The following MYRIP variants were observed in gnomAD, a reference collection of about 807,000 sequenced individuals.
MYRIP encodes the protein rab effector MyRIP.
MYRIP carries 49 observed loss-of-function variants against 98.0 expected under a neutral mutation model. The observed-to-expected ratio is 0.50, with a 90% confidence interval of 0.40 to 0.63. The LOEUF (loss-of-function observed/expected upper bound fraction) is 0.63. MYRIP is among the 30% of genes least tolerant of loss of function. The probability of loss-of-function intolerance (pLI) is 0.00; values close to 1 mark genes in which losing one functional copy is unlikely to be tolerated. For synonymous variants in MYRIP, 404 were observed against 409.5 expected (o/e 0.99, Z 0.16); for missense variants, 1,004 against 1,058.2 (o/e 0.95, Z 0.71).
At position 40,054,018 on chromosome 3, in the gene MYRIP, T is replaced by C. The variant is rs114722706; in HGVS notation, c.332+9747T>C. Among the ~76,000 whole-genome samples, 801 of 152,208 alleles carry C rather than the reference T, an allele frequency of 5.3e-3. 2 individuals are homozygous for C. The highest frequency in any genetic ancestry group is 9.8e-3 in the Admixed American group (150 of 15,260). ...ATAGCATTGGCACTCCCGCTAACTG[T>C]TTTGTCACTCTGGCTGCCTTAAGTT... On this transcript the variant is annotated intron_variant, in intron 3 of 16. Transcript: ENST00000302541.
intron 1 of MYRIP, among the ~76,000 whole-genome samples, chr3:39,870,043 A>G (rs1942738395): frequency 6.6e-6 from 1 of 152,134 alleles, no homozygotes; most frequent in African/African-American, 2.4e-5. Flanking sequence ...TGAAGCACAC[A>G]GTATTTGGAG....
At chr3:39,953,384 A>G (rs1328287503) in intron 2 of MYRIP, among the ~76,000 whole-genome samples, 1 of 152,054 alleles carries the variant, frequency 6.6e-6, no homozygotes, top group Non-Finnish European at 1.5e-5. Context: ...TTTTGGAGAG[A>G]ACTGGCTGAG....
intron 2 of MYRIP, among the ~76,000 whole-genome samples, chr3:40,000,471 C>G (rs1398013809): frequency 6.6e-6 from 1 of 152,108 alleles, no homozygotes; most frequent in Non-Finnish European, 1.5e-5. Flanking sequence ...GTCAGAGTGT[C>G]AAGCCAAAAA....
At chr3:40,148,060 G>A (rs1950045622) in intron 3 of MYRIP, among the ~76,000 whole-genome samples, 1 of 152,170 alleles carries the variant, frequency 6.6e-6, no homozygotes, top group African/African-American at 2.4e-5. Context: ...GCTGAACATA[G>A]AAGTCTAACT....
intron 2 of MYRIP, among the ~76,000 whole-genome samples, chr3:39,924,149 T>C (rs774977781): frequency 1.3e-5 from 2 of 152,084 alleles, no homozygotes; most frequent in African/African-American, 2.4e-5. Flanking sequence ...TGACATTAAA[T>C]GTAAATGGCC....
At chr3:39,936,199 G>A (rs1944652279) in intron 2 of MYRIP, among the ~76,000 whole-genome samples, 1 of 152,188 alleles carries the variant, frequency 6.6e-6, no homozygotes, top group African/African-American at 2.4e-5. Context: ...TGAGTGAAGA[G>A]TATACAGAGT....
At chr3:40,163,596 G>A (rs1950442068) in intron 5 of MYRIP, among the ~76,000 whole-genome samples, 1 of 152,096 alleles carries the variant, frequency 6.6e-6, no homozygotes, top group Non-Finnish European at 1.5e-5. Flanking sequence ...CCCTCTTCTG[G>A]AGCTGGGACA....
intron 3 of MYRIP, among the ~76,000 whole-genome samples, chr3:40,139,178 T>C (rs1393121374): frequency 6.6e-6 from 1 of 152,270 alleles, no homozygotes; most frequent in Non-Finnish European, 1.5e-5. Context: ...CTGACTGGTA[T>C]TTCATGGTGT....
intron 2 of MYRIP, among the ~76,000 whole-genome samples, chr3:40,025,639 G>T (rs1254877419): frequency 6.6e-6 from 1 of 152,066 alleles, no homozygotes; most frequent in Non-Finnish European, 1.5e-5. Context: ...GTGTCGGCTG[G>T]TCTGAGAAAT....
At chr3:40,095,777 TCA>T (rs951354832) in intron 3 of MYRIP, among the ~76,000 whole-genome samples, 25 of 151,842 alleles carry the variant, frequency 1.6e-4, no homozygotes, top group African/African-American at 5.8e-4. Context: ...CCTCTTTCCC[TCA>T]CAGTATGCTG....
chr3:39,818,961 A>C (rs1280964905), intron 1 of MYRIP, among the ~76,000 whole-genome samples: 1 of 152,256 alleles, frequency 6.6e-6, no homozygotes, highest in Non-Finnish European at 1.5e-5. Context: ...AAATACCCTA[A>C]AGTTCAATTA....
intron 2 of MYRIP, among the ~76,000 whole-genome samples, chr3:40,026,318 G>A (rs1947126640): frequency 6.6e-6 from 1 of 152,106 alleles, no homozygotes; most frequent in Non-Finnish European, 1.5e-5. Flanking sequence ...TGTCTCCCTT[G>A]TTCCCTAAAA....
At chr3:40,243,537 G>T (rs554655578) in intron 12 of MYRIP, among the ~76,000 whole-genome samples, 9 of 152,080 alleles carry the variant, frequency 5.9e-5, no homozygotes, top group South Asian at 2.1e-4. Context: ...ACTCTAAATT[G>T]CTGTGATTAC....
chr3:40,151,634 T>C (rs1332184560), intron 4 of MYRIP, among the ~76,000 whole-genome samples: 1 of 152,204 alleles, frequency 6.6e-6, no homozygotes, highest in Non-Finnish European at 1.5e-5. Flanking sequence ...GTGGGAGAGT[T>C]AGAAAAGTGT....
chr3:39,905,461 G>A (rs994881355), intron 2 of MYRIP, among the ~76,000 whole-genome samples: 1 of 152,016 alleles, frequency 6.6e-6, no homozygotes, highest in African/African-American at 2.4e-5. Flanking sequence ...TTTTTGGCTT[G>A]GTGTTCTACT....
chr3:39,894,268 T>C (rs1460356470), intron 1 of MYRIP, among the ~76,000 whole-genome samples: 1 of 152,168 alleles, frequency 6.6e-6, no homozygotes, highest in Non-Finnish European at 1.5e-5. Context: ...GATAAAGAAA[T>C]GTCACCACTT....
At chr3:39,878,374 C>T (rs1164322750) in intron 1 of MYRIP, among the ~76,000 whole-genome samples, 1 of 152,162 alleles carries the variant, frequency 6.6e-6, no homozygotes, top group Non-Finnish European at 1.5e-5. Context: ...CACTGTCTGG[C>T]ACTCACTAGT....
intron 10 of MYRIP, among the ~76,000 whole-genome samples, chr3:40,204,171 T>TATATATTATATA (rs762551255): frequency 0.94 from 32,775 of 34,856 alleles, 15,474 homozygotes; most frequent in Middle Eastern, 1. Flanking sequence ...ATATAATATT[T>TATATATTATATA]ATATATTATA....
rs1293161231 is a variant in MYRIP at position 40,044,230 on chromosome 3, G to A, written c.291G>A (p.Lys97=). Residue 97 remains lysine, a synonymous_variant, in exon 3 of 17, where the codon AAG becomes AAA. Transcript: ENST00000302541. ...NVCKSCCSYQ[K]HEKAWVCCVC... ...GCAAGAGCTGCTGCTCCTACCAGAA[G>A]CACGAAAAGGCCTGGGTCTGCTGCG... is the stretch of plus-strand genomic sequence containing the variant. 6.2e-7 allele frequency: 1 copy of A among 1,614,204 alleles called. No individual in the cohort carries two copies. The highest frequency in any genetic ancestry group is 8.5e-7 in the Non-Finnish European group (1 of 1,180,024).
Sources: gnomAD v4.1 joint callset for allele counts (sites outside exome capture counted in the v4.1 genomes callset) on GRCh38, gnomAD v4.1.1 for gene constraint, MANE v1.5 for transcripts, NCBI Gene and HGNC (gene_info 2026-07-23, HGNC 2026-07-21) for gene names.